Variants in PKDREJ observed in about 807,000 individuals in gnomAD.
PKDREJ encodes polycystin family receptor for egg jelly, also known as PKD and REJ homolog.
For synonymous variants in PKDREJ, 1,031 were observed against 1,095.5 expected, an observed-to-expected ratio of 0.94 and a Z score of 1.16; for missense variants, 2,507 against 2,807.2, an observed-to-expected ratio of 0.89 and a Z score of 2.42.
At position 46,259,153 on chromosome 22, in the gene PKDREJ, C is replaced by G; in HGVS notation, c.4170G>C (p.Leu1390Phe). Reference sequence around the variant, plus strand: ...TAAGCAACATTGCTAAACAACAGGACAATCTCTGGAGCCTATTGAATGTTT... The same window carrying G: ...TAAGCAACATTGCTAAACAACAGGAGAATCTCTGGAGCCTATTGAATGTTT... ...VAKTFNRLQRLSCCLAMLLSS... is the reference protein window; with the variant it reads ...VAKTFNRLQRFSCCLAMLLSS... Residue 1390 changes from leucine (L) to phenylalanine (F), a missense_variant, in exon 1 of 1, where the codon TTG (leucine) becomes TTC (phenylalanine). Transcript: ENST00000253255. This position sits in a 1 kb window ranked among gnomAD's most constrained non-coding sequence, Gnocchi z 6.8. The G allele has an allele frequency of 2.5e-6, 4 of 1,614,054 alleles. No individual in the cohort carries two copies. Among genetic ancestry groups the G allele is most frequent in the Non-Finnish European group, 3.4e-6 (4 of 1,179,964 alleles).
chr22:46,262,356 C>G lies in PKDREJ; in HGVS notation c.967G>C (p.Asp323His). 3 of 1,614,180 alleles carry G rather than the reference C, an allele frequency of 1.9e-6. No individual in the cohort carries two copies. The highest frequency in any genetic ancestry group is 2.5e-6 in the Non-Finnish European group (3 of 1,180,010). The change falls in exon 1 of 1, where the codon GAC (aspartate) becomes CAC (histidine). Residue 323 changes from aspartate to histidine, a missense_variant. Asp to His is a moderately conservative substitution (Grantham distance 81). Transcript: ENST00000253255. This position sits in a 1 kb window ranked among gnomAD's most constrained non-coding sequence, Gnocchi z 8.1. ...TGNPKMPEVK[D>H]SDAVYVWIVR... ...ATCCAGACATAGACGGCGTCCGAGT[C>G]TTTCACCTCGGGCATCTTGGGGTTC...
chr22:46,256,631 T>C lies in PKDREJ; in HGVS notation c.6692A>G (p.Asn2231Ser). ...IDMLYGQPEKNSHRYLGLKTR... is the reference protein window; with the variant it reads ...IDMLYGQPEKSSHRYLGLKTR... ...CTTCAGCCCCAGATAACGGTGGCTG[T>C]TCTTCTCTGGCTGCCCATACAGCAT... is the stretch of plus-strand genomic sequence containing the variant. Residue 2231 changes from asparagine to serine, a missense_variant, in exon 1 of 1, where the codon AAC becomes AGC. Asn to Ser is a conservative substitution (Grantham distance 46). Transcript: ENST00000253255. This position sits in a 1 kb window ranked among gnomAD's most constrained non-coding sequence, Gnocchi z 5.3. The C allele has an allele frequency of 6.8e-6, 11 of 1,614,210 alleles. No homozygotes were observed. Among genetic ancestry groups the C allele is most frequent in the Non-Finnish European group, 9.3e-6 (11 of 1,180,020 alleles).
rs377350450 is a variant in PKDREJ, at chr22:46,260,875, A to G, written c.2448T>C (p.Asn816=). 139 of 1,613,776 alleles carry G rather than the reference A, an allele frequency of 8.6e-5. No homozygotes were observed. Among genetic ancestry groups the G allele is most frequent in the Non-Finnish European group, 1.2e-4 (139 of 1,179,724 alleles). Residue 816 remains asparagine, a synonymous_variant, in exon 1 of 1, where the codon AAT becomes AAC. Transcript: ENST00000253255. The surrounding 1 kb of genome is among the most constrained non-coding windows in gnomAD (Gnocchi z 4.5). ...VSTGILMSLS[N]ILKMTSPHQV... is the part of the protein sequence containing the mutation. ...GGTGAGGAGAAGTCATTTTAAGAAT[A>G]TTAGACAAACTCATTAGTATTCCAG... is the stretch of plus-strand genomic sequence containing the variant.
In PKDREJ at chr22:46,262,063, T is replaced by C. The variant is rs760352207; in HGVS notation, c.1260A>G (p.Pro420=). 6.2e-7 allele frequency: 1 copy of C among 1,614,158 alleles called. No homozygotes were observed. The highest frequency in any genetic ancestry group is 8.5e-7 in the Non-Finnish European group (1 of 1,180,040). The change falls in exon 1 of 1, where the codon CCA becomes CCG. Residue 420 remains proline, a synonymous_variant. Transcript: ENST00000253255. This position sits in a 1 kb window ranked among gnomAD's most constrained non-coding sequence, Gnocchi z 8.1. ...WASGPVLTLL[P]ETLKGDHVYF... Reference sequence around the variant, plus strand: ...ACACGTGGTCGCCTTTAAGTGTTTCTGGCAAAAGTGTCAGTACAGGGCCCG... The same window carrying C: ...ACACGTGGTCGCCTTTAAGTGTTTCCGGCAAAAGTGTCAGTACAGGGCCCG...
In PKDREJ at chr22:46,260,105, G is replaced by A; in HGVS notation, c.3218C>T (p.Pro1073Leu). ...CAGAACTATGGATACAGTACAGTGGGGAGAGTGGCTGTGCTGAGCTATGAG... is the reference window on the plus strand; with the variant it reads ...CAGAACTATGGATACAGTACAGTGGAGAGAGTGGCTGTGCTGAGCTATGAG... The part of the protein sequence containing the change: ...LQLIAQHSHS[P>L]HCTVSIVLQA... The change falls in exon 1 of 1, where the codon CCC (proline) becomes CTC (leucine). Residue 1073 changes from proline (P) to leucine (L), a missense_variant. By Grantham distance (98) the Pro-to-Leu change is moderately conservative. Coordinates refer to ENST00000253255, the MANE Select transcript of PKDREJ (RefSeq NM_006071.2). The surrounding 1 kb of genome is among the most constrained non-coding windows in gnomAD (Gnocchi z 4.5). The A allele has an allele frequency of 6.2e-7, 1 of 1,613,782 alleles. No homozygotes were observed. Among genetic ancestry groups the A allele is most frequent in the Non-Finnish European group, 8.5e-7 (1 of 1,179,798 alleles).
rs1413128082 is a variant in PKDREJ, at chr22:46,260,585, T to C, written c.2738A>G (p.Asp913Gly). The part of the protein sequence containing the change: ...ISTMFCDFTN[D>G]LFPWLNDQEN... ...CTGATCATTTAACCAAGGAAAGAGG[T>C]CATTTGTGAAATCACAAAACATTGT... The change falls in exon 1 of 1, where the codon GAC (aspartate) becomes GGC (glycine). Residue 913 changes from aspartate to glycine, a missense_variant. By Grantham distance (94) the Asp-to-Gly change is moderately conservative. Transcript: ENST00000253255. The surrounding 1 kb of genome is among the most constrained non-coding windows in gnomAD (Gnocchi z 4.5). 2.5e-6 allele frequency: 4 copies of C among 1,614,126 alleles called. No individual in the cohort carries two copies. The South Asian group carries it at 3.3e-5, about 13-fold the overall frequency.
Position 46,263,110 on chromosome 22 carries a change from C to G in PKDREJ, c.213G>C (p.Leu71=). 1.6e-6 allele frequency: 2 copies of G among 1,256,028 alleles called. No homozygotes were observed. The highest frequency in any genetic ancestry group is 4.4e-5 in the South Asian group (2 of 45,954). 77.8% of individuals were successfully genotyped at this position (1,256,028 alleles called of 1,614,324 possible). ...PSAVRAGGAV[L]SGRGSLCFPH... is the part of the protein sequence containing the mutation. The stretch of plus-strand genomic sequence containing the variant: ...GGAAGCAGAGGCTGCCGCGGCCGCT[C>G]AGGACAGCGCCGCCCGCCCGCACCG... The change falls in exon 1 of 1, where the codon CTG becomes CTC. Residue 71 remains leucine (L), a synonymous_variant. Transcript: ENST00000253255. The surrounding 1 kb of genome is among the most constrained non-coding windows in gnomAD (Gnocchi z 9.4).
rs1437277184 is a variant in PKDREJ, at chr22:46,262,834, G to C, written c.489C>G (p.Ser163=). Reference sequence around the variant, plus strand: ...GCGGGCCTGGCGCGGCGGAGCGCGGGGAGACGCGGGCCGCGGGGGAGGCCG... The same window carrying C: ...GCGGGCCTGGCGCGGCGGAGCGCGGCGAGACGCGGGCCGCGGGGGAGGCCG... ...ARPASPAARV[S]PRSAAPGPRP... Residue 163 remains serine (S), a synonymous_variant, in exon 1 of 1, where the codon TCC becomes TCG. Transcript: ENST00000253255. This position sits in a 1 kb window ranked among gnomAD's most constrained non-coding sequence, Gnocchi z 8.1. The C allele has an allele frequency of 8.1e-7, 1 of 1,232,738 alleles. No homozygotes were observed. Among genetic ancestry groups the C allele is most frequent in the Non-Finnish European group, 1.0e-6 (1 of 981,020 alleles). 76.4% of individuals were successfully genotyped at this position (1,232,738 alleles called of 1,614,324 possible).
Position 46,256,888 on chromosome 22 carries a change from C to G in PKDREJ, c.6435G>C (p.Arg2145Ser). Reference sequence around the variant, plus strand: ...ATGAGAGGAACAGGACCCCCAGAATCCTGTTATTGGAAAATTCAGTGTTCT... The same window carrying G: ...ATGAGAGGAACAGGACCCCCAGAATGCTGTTATTGGAAAATTCAGTGTTCT... ...AFQNTEFSNN[R>S]ILGVLFLSSF... is the part of the protein sequence containing the mutation. The change falls in exon 1 of 1, where the codon AGG (arginine) becomes AGC (serine). Residue 2145 changes from arginine (R) to serine (S), a missense_variant. By Grantham distance (110) the Arg-to-Ser change is moderately radical. Coordinates refer to ENST00000253255, the MANE Select transcript of PKDREJ (RefSeq NM_006071.2). The surrounding 1 kb of genome is among the most constrained non-coding windows in gnomAD (Gnocchi z 5.3). 6.2e-7 allele frequency: 1 copy of G among 1,613,986 alleles called. No individual in the cohort carries two copies. Among genetic ancestry groups the G allele is most frequent in the Non-Finnish European group, 8.5e-7 (1 of 1,180,012 alleles).
At position 46,262,004 on chromosome 22, in the gene PKDREJ, C is replaced by T. The variant is rs984311841; in HGVS notation, c.1319G>A (p.Arg440Lys). The T allele has an allele frequency of 4.3e-6, 7 of 1,613,970 alleles. No homozygotes were observed. Among genetic ancestry groups the T allele is most frequent in the Non-Finnish European group, 5.9e-6 (7 of 1,180,010 alleles). ...GACCCTCTTATCAGAAAACGCTGTCCTAGAGTCCTTCCGAATCACCATTCT... is the reference window on the plus strand; with the variant it reads ...GACCCTCTTATCAGAAAACGCTGTCTTAGAGTCCTTCCGAATCACCATTCT... ...FFRMVIRKDS[R>K]TAFSDKRVHV... The change falls in exon 1 of 1, where the codon AGG (arginine) becomes AAG (lysine). Residue 440 changes from arginine to lysine, a missense_variant. Transcript: ENST00000253255. This position sits in a 1 kb window ranked among gnomAD's most constrained non-coding sequence, Gnocchi z 8.1.
At position 46,260,501 on chromosome 22, in the gene PKDREJ, C is replaced by A; in HGVS notation, c.2822G>T (p.Ser941Ile). Residue 941 changes from serine (S) to isoleucine (I), a missense_variant, in exon 1 of 1, where the codon AGT (serine) becomes ATT (isoleucine). Coordinates refer to ENST00000253255, the MANE Select transcript of PKDREJ (RefSeq NM_006071.2). The surrounding 1 kb of genome is among the most constrained non-coding windows in gnomAD (Gnocchi z 4.5). ...TACATCAGGTGTGATCTCTAGCACA[C>A]TACCGTTATCTGCAACTCCTGTCAT... is the stretch of plus-strand genomic sequence containing the variant. ...FRMTGVADNGSVLEITPDVAE... is the reference protein window; with the variant it reads ...FRMTGVADNGIVLEITPDVAE... The A allele has an allele frequency of 6.2e-7, 1 of 1,614,200 alleles. No homozygotes were observed. The highest frequency in any genetic ancestry group is 8.5e-7 in the Non-Finnish European group (1 of 1,180,014).
rs766594866 is a variant in PKDREJ at position 46,257,518 on chromosome 22, A to G, written c.5805T>C (p.Phe1935=). ...INLFCSISVI[F]EVSQLGVVNT... ...TGACAACTCCTAACTGAGAGACTTC[A>G]AATATGACCGAAATGCTACAGAACA... The change falls in exon 1 of 1, where the codon TTT becomes TTC. Residue 1935 remains phenylalanine, a synonymous_variant. Coordinates refer to ENST00000253255, the MANE Select transcript of PKDREJ (RefSeq NM_006071.2). This position sits in a 1 kb window ranked among gnomAD's most constrained non-coding sequence, Gnocchi z 4.7. The G allele has an allele frequency of 6.8e-6, 11 of 1,614,162 alleles. No homozygotes were observed. The highest frequency in any genetic ancestry group is 9.3e-6 in the Non-Finnish European group (11 of 1,180,018).
chr22:46,261,607 T>C lies in PKDREJ; in HGVS notation c.1716A>G (p.Lys572=). The change falls in exon 1 of 1, where the codon AAA becomes AAG. Residue 572 remains lysine, a synonymous_variant. Coordinates refer to ENST00000253255, the MANE Select transcript of PKDREJ (RefSeq NM_006071.2). This position sits in a 1 kb window ranked among gnomAD's most constrained non-coding sequence, Gnocchi z 7.1. The part of the protein sequence containing the change: ...QIGECKINPA[K]GIALITKFVV... Reference sequence around the variant, plus strand: ...CAAATTTAGTAATAAGTGCAATTCCTTTAGCTGGATTAATTTTGCATTCTC... The same window carrying C: ...CAAATTTAGTAATAAGTGCAATTCCCTTAGCTGGATTAATTTTGCATTCTC... 7.4e-6 allele frequency: 12 copies of C among 1,613,908 alleles called. No individual in the cohort carries two copies. Among genetic ancestry groups the C allele is most frequent in the Non-Finnish European group, 9.3e-6 (11 of 1,179,796 alleles).
rs771732268 is a variant in PKDREJ, at chr22:46,261,634, G to C, written c.1689C>G (p.Ile563Met). The C allele has an allele frequency of 3.1e-6, 5 of 1,613,714 alleles. No homozygotes were observed. In the Admixed American group the frequency reaches 6.7e-5, roughly 22 times the overall value. Reference protein sequence around the residue: ...HSFIINHGPQIGECKINPAKG... With the variant: ...HSFIINHGPQMGECKINPAKG... ...TAGCTGGATTAATTTTGCATTCTCCGATCTGAGGGCCATGGTTAATAATAA... is the reference window on the plus strand; with the variant it reads ...TAGCTGGATTAATTTTGCATTCTCCCATCTGAGGGCCATGGTTAATAATAA... The change falls in exon 1 of 1, where the codon ATC (isoleucine) becomes ATG (methionine). Residue 563 changes from isoleucine to methionine, a missense_variant. Ile to Met is a conservative substitution (Grantham distance 10). Coordinates refer to ENST00000253255, the MANE Select transcript of PKDREJ (RefSeq NM_006071.2). This position sits in a 1 kb window ranked among gnomAD's most constrained non-coding sequence, Gnocchi z 7.1.
Position 46,260,835 on chromosome 22 carries a change from G to A in PKDREJ, c.2488C>T (p.Pro830Ser). The change falls in exon 1 of 1, where the codon CCT becomes TCT. Residue 830 changes from proline to serine, a missense_variant. Pro to Ser is a moderately conservative substitution (Grantham distance 74, BLOSUM62 -1). Coordinates refer to ENST00000253255, the MANE Select transcript of PKDREJ (RefSeq NM_006071.2). This position sits in a 1 kb window ranked among gnomAD's most constrained non-coding sequence, Gnocchi z 4.5. ...GATAGAGATTCTATTACATAGAAAGGATCTTTAACTACTTGGTGAGGAGAA... is the reference window on the plus strand; with the variant it reads ...GATAGAGATTCTATTACATAGAAAGAATCTTTAACTACTTGGTGAGGAGAA... ...MTSPHQVVKD[P>S]FYVIESLSDT... 1 of 1,614,020 alleles carries A rather than the reference G, an allele frequency of 6.2e-7. No individual in the cohort carries two copies. Among genetic ancestry groups the A allele is most frequent in the Non-Finnish European group, 8.5e-7 (1 of 1,179,906 alleles).
Position 46,259,465 on chromosome 22 carries a change from T to C in PKDREJ, c.3858A>G (p.Thr1286=), listed in dbSNP as rs1162776999. The C allele has an allele frequency of 1.2e-6, 2 of 1,614,226 alleles. No individual in the cohort carries two copies. Among genetic ancestry groups the C allele is most frequent in the Middle Eastern group, 1.6e-4 (1 of 6,062 alleles). ...AATGGATGTCCCCCAAGTCACTTTT[T>C]GTCGTTAGGAGGAAAGTGTTGATGC... is the stretch of plus-strand genomic sequence containing the variant. ...RGSINTFLLT[T]KSDLGDIHSI... The change falls in exon 1 of 1, where the codon ACA becomes ACG. Residue 1286 remains threonine (T), a synonymous_variant. Transcript: ENST00000253255. The surrounding 1 kb of genome is among the most constrained non-coding windows in gnomAD (Gnocchi z 6.8).
chr22:46,262,392 T>G lies in PKDREJ; in HGVS notation c.931A>C (p.Ile311Leu), dbSNP rs368165233. The G allele has an allele frequency of 1.2e-6, 2 of 1,613,898 alleles. No homozygotes were observed. The highest frequency in any genetic ancestry group is 1.7e-6 in the Non-Finnish European group (2 of 1,179,972). ...GVYVFNFTVS[I>L]TTGNPKMPEV... ...GGCATCTTGGGGTTCCCTGTGGTGA[T>G]GGACACCGTGAAATTAAACACATAC... Residue 311 changes from isoleucine to leucine, a missense_variant, in exon 1 of 1, where the codon ATC (isoleucine) becomes CTC (leucine). Ile to Leu is a conservative substitution (Grantham distance 5). Transcript: ENST00000253255. The surrounding 1 kb of genome is among the most constrained non-coding windows in gnomAD (Gnocchi z 8.1).
In PKDREJ at chr22:46,263,066, C is replaced by A. The variant is rs1201420668; in HGVS notation, c.257G>T (p.Arg86Leu). The change falls in exon 1 of 1, where the codon CGG (arginine) becomes CTG (leucine). Residue 86 changes from arginine (R) to leucine (L), a missense_variant. Coordinates refer to ENST00000253255, the MANE Select transcript of PKDREJ (RefSeq NM_006071.2). The surrounding 1 kb of genome is among the most constrained non-coding windows in gnomAD (Gnocchi z 9.4). Reference sequence around the variant, plus strand: ...GCGCAAGTCGAGGCAGTACCAGCGCCGCCCGGTCCCGCCATGGGGGAAGCA... The same window carrying A: ...GCGCAAGTCGAGGCAGTACCAGCGCAGCCCGGTCCCGCCATGGGGGAAGCA... ...SLCFPHGGTGRRWYCLDLRVL... is the reference protein window; with the variant it reads ...SLCFPHGGTGLRWYCLDLRVL... 11 of 1,333,450 alleles carry A rather than the reference C, an allele frequency of 8.2e-6. No individual in the cohort carries two copies. In the Admixed American group the frequency reaches 1.4e-4, roughly 18 times the overall value. The allele number at this position is 1,333,450 out of a possible 1,614,324, so 82.6% of individuals were successfully genotyped here.
At position 46,257,827 on chromosome 22, in the gene PKDREJ, T is replaced by G. The variant is rs1381329140; in HGVS notation, c.5496A>C (p.Glu1832Asp). Residue 1832 changes from glutamate (E) to aspartate (D), a missense_variant, in exon 1 of 1, where the codon GAA becomes GAC. By Grantham distance (45) the Glu-to-Asp change is conservative (BLOSUM62 2). Coordinates refer to ENST00000253255, the MANE Select transcript of PKDREJ (RefSeq NM_006071.2). The surrounding 1 kb of genome is among the most constrained non-coding windows in gnomAD (Gnocchi z 4.7). ...AAAAGCCAGAATAGTTTTTTGTGTCTTCTGGGTCAATGCCATATTTGGGGT... is the reference window on the plus strand; with the variant it reads ...AAAAGCCAGAATAGTTTTTTGTGTCGTCTGGGTCAATGCCATATTTGGGGT... ...HCHPKYGIDP[E>D]DTKNYSGFWN... 6.2e-7 allele frequency: 1 copy of G among 1,614,244 alleles called. No individual in the cohort carries two copies. The highest frequency in any genetic ancestry group is 1.7e-5 in the Admixed American group (1 of 60,038).
Sources: gnomAD v4.1 joint callset for allele counts on GRCh38, gnomAD v4.1.1 for gene constraint, Gnocchi (gnomAD v3.1) non-coding constraint, MANE v1.5 for transcripts, NCBI Gene and HGNC (gene_info 2026-07-23, HGNC 2026-07-21) for gene names.